FAAH2: variants seen among roughly 807,000 people sequenced by gnomAD.
FAAH2 encodes the protein fatty acid amide hydrolase 2.
In FAAH2, 60 loss-of-function variants were observed where a neutral mutation model predicts 36.9. That is an observed-to-expected ratio of 1.63 (90% CI 1.32 to 2.02). FAAH2 has a LOEUF of 2.02. Ranked by LOEUF, FAAH2 falls within the 30% of genes most tolerant of loss-of-function variation. The pLI is 0.00. For missense variants in FAAH2, 689 were observed against 397.5 expected, an observed-to-expected ratio of 1.73 and a Z score of -6.23; for synonymous variants, 214 against 143.8, an observed-to-expected ratio of 1.49 and a Z score of -3.49.
the FAAH2 span, among the ~76,000 whole-genome samples, chrX:57,240,474 G>A: frequency 9.0e-6 from 1 of 111,698 alleles, no homozygotes; most frequent in African/African-American, 3.3e-5. Flanking sequence ...ATTCATTTGA[G>A]TAGTGGCAGT....
the FAAH2 span, among the ~76,000 whole-genome samples, chrX:57,244,482 A>G: frequency 8.9e-6 from 1 of 111,835 alleles, no homozygotes; most frequent in African/African-American, 3.3e-5. Flanking sequence ...AAAAATTATC[A>G]GGTCAGCCAG....
chrX:57,292,469 G>T, intron 1 of FAAH2, 29 bp from the exon 2 acceptor site: 2 of 1,143,246 alleles, frequency 1.7e-6, no homozygotes, highest in African/African-American at 3.6e-5. Flanking sequence ...TGAATAAATG[G>T]CTGCTGACTA....
At chrX:57,389,461 G>T (rs928588577) in intron 7 of FAAH2, among the ~76,000 whole-genome samples, 6 of 108,354 alleles carry the variant, frequency 5.5e-5, no homozygotes, top group Non-Finnish European at 9.6e-5. Flanking sequence ...ATAAATAAAT[G>T]ATATTATAAA....
chrX:57,437,695 ATTACATAT>A (rs1197111105), intron 8 of FAAH2, among the ~76,000 whole-genome samples: 3 of 92,876 alleles, frequency 3.2e-5, no homozygotes, highest in African/African-American at 1.2e-4. Flanking sequence ...TAATGTATAT[ATTACATAT>A]AAATATATAA....
At chrX:57,185,680 G>A in the FAAH2 span, among the ~76,000 whole-genome samples, 1 of 110,206 alleles carries the variant, frequency 9.1e-6, no homozygotes, top group South Asian at 3.9e-4. Flanking sequence ...CATGCATTAG[G>A]TATTTGTCCT....
intron 2 of FAAH2, among the ~76,000 whole-genome samples, chrX:57,299,462 A>G (rs1163291456): frequency 4.5e-5 from 5 of 111,473 alleles, no homozygotes; most frequent in Non-Finnish European, 9.4e-5. Context: ...ATCTCAAAAT[A>G]ATAAGAGCTA....
chrX:57,158,323 C>G, the FAAH2 span, among the ~76,000 whole-genome samples: 2 of 112,073 alleles, frequency 1.8e-5, no homozygotes, highest in Non-Finnish European at 3.8e-5. Context: ...GTGCATGTGT[C>G]TTTATAGAAG....
intron 8 of FAAH2, among the ~76,000 whole-genome samples, chrX:57,437,501 C>T (rs981211473): frequency 4.6e-5 from 5 of 109,345 alleles, no homozygotes; most frequent in Non-Finnish European, 9.5e-5. Context: ...CAAAAAGAAT[C>T]CCCTAGAATT....
At chrX:57,191,344 C>A in the FAAH2 span, among the ~76,000 whole-genome samples, 1 of 111,184 alleles carries the variant, frequency 9.0e-6, no homozygotes, top group Non-Finnish European at 1.9e-5. Flanking sequence ...TTATTATATT[C>A]TTTCCTATAT....
At chrX:57,470,219 A>C in intron 10 of FAAH2, among the ~76,000 whole-genome samples, 1 of 111,059 alleles carries the variant, frequency 9.0e-6, no homozygotes, top group Non-Finnish European at 1.9e-5. Context: ...CACATTCAAA[A>C]GCTAGCAGAA....
chrX:57,343,089 A>T (rs142318702), intron 5 of FAAH2, among the ~76,000 whole-genome samples: 15 of 111,760 alleles, frequency 1.3e-4, no homozygotes, highest in African/African-American at 4.2e-4. Context: ...TAAACATATG[A>T]GTTCATTTGT....
chrX:57,285,883 G>A (rs191225039), upstream of FAAH2, among the ~76,000 whole-genome samples: 11 of 112,093 alleles, frequency 9.8e-5, no homozygotes, highest in East Asian at 3.1e-3. Context: ...TAAAGGCAGA[G>A]TGATCAGCTA....
intron 7 of FAAH2, among the ~76,000 whole-genome samples, chrX:57,417,394 C>T (rs780010829): frequency 9.0e-6 from 1 of 111,496 alleles, no homozygotes; most frequent in Non-Finnish European, 1.9e-5. Context: ...ATGCTGGTGA[C>T]CTTTGGATGG....
At chrX:57,413,769 G>T (rs1437859806) in intron 7 of FAAH2, among the ~76,000 whole-genome samples, 1 of 111,500 alleles carries the variant, frequency 9.0e-6, no homozygotes, top group African/African-American at 3.3e-5. Flanking sequence ...AGCTTGATGG[G>T]GATAGCATTG....
At chrX:57,230,202 A>G in the FAAH2 span, among the ~76,000 whole-genome samples, 1 of 111,917 alleles carries the variant, frequency 8.9e-6, no homozygotes, top group Non-Finnish European at 1.9e-5. Context: ...CTGACCCATC[A>G]ACAGCATTCT....
chrX:57,214,225 G>T, the FAAH2 span, among the ~76,000 whole-genome samples: 1 of 111,453 alleles, frequency 9.0e-6, no homozygotes, highest in Non-Finnish European at 1.9e-5. Context: ...GCCACATAGC[G>T]TTGGTTTGTT....
At chrX:57,381,124 C>A in intron 7 of FAAH2, 95 bp downstream of exon 7, 1 of 624,734 alleles carries the variant, frequency 1.6e-6, no homozygotes, top group South Asian at 3.0e-5. Flanking sequence ...ATTTCTGTGT[C>A]AGCATACGGA....
At chrX:57,344,135 T>TA (rs1569276955) in intron 5 of FAAH2, among the ~76,000 whole-genome samples, 1 of 110,471 alleles carries the variant, frequency 9.1e-6, no homozygotes, top group Non-Finnish European at 1.9e-5. Flanking sequence ...TTTTTTTTTT[T>TA]TAAATTCTGT....
At chrX:57,438,963 G>A (rs1468125486) in intron 8 of FAAH2, among the ~76,000 whole-genome samples, 3 of 110,651 alleles carry the variant, frequency 2.7e-5, no homozygotes, top group Non-Finnish European at 5.7e-5. Context: ...AGTATTCCAT[G>A]GTGTATAGGT....
Sources: allele counts gnomAD v4.1 joint callset (sites outside exome capture counted in the v4.1 genomes callset), GRCh38; gene constraint gnomAD v4.1.1; transcripts MANE v1.5; gene names NCBI Gene and HGNC (gene_info 2026-07-23, HGNC 2026-07-21).